CTNND2: variants seen among roughly 807,000 people sequenced by gnomAD.
CTNND2 encodes the protein catenin delta-2.
A neutral mutation model predicts 144.4 loss-of-function variants in CTNND2; 22 were observed. The ratio of observed to expected loss-of-function variants is 0.15; its 90% confidence interval spans 0.11 to 0.22. The LOEUF is 0.22. Ranked by LOEUF, CTNND2 falls within the 10% of genes least tolerant of loss-of-function variation. The pLI is 1.00. For missense variants in CTNND2, 1,353 were observed against 1,618.8 expected (o/e 0.84, Z 2.82); for synonymous variants, 751 against 695.6 (o/e 1.08, Z -1.25).
chr5:11,792,467 A>T (rs1404887290), intron 1 of CTNND2, among the ~76,000 whole-genome samples: 2 of 152,234 alleles, frequency 1.3e-5, no homozygotes, highest in Non-Finnish European at 2.9e-5. Context: ...CAATGAATGC[A>T]TGAATATTTT....
intron 16 of CTNND2, among the ~76,000 whole-genome samples, chr5:11,051,911 C>T (rs1948752): frequency 0.17 from 25,864 of 152,122 alleles, 4,128 homozygotes; most frequent in East Asian, 0.57. Context: ...TTCTTCACTA[C>T]GTAACGTTGT....
chr5:11,055,117 C>T (rs1017897673), intron 16 of CTNND2, among the ~76,000 whole-genome samples: 4 of 152,066 alleles, frequency 2.6e-5, no homozygotes, highest in South Asian at 2.1e-4. Context: ...GAATGAATAA[C>T]GGTTGGAGAA....
chr5:11,275,986 G>C (rs774637800), intron 9 of CTNND2, among the ~76,000 whole-genome samples: 7 of 152,152 alleles, frequency 4.6e-5, no homozygotes, highest in Non-Finnish European at 1.0e-4. Context: ...GGTCTTAGTT[G>C]TTTCTTAGAA....
intron 3 of CTNND2, among the ~76,000 whole-genome samples, chr5:11,524,465 A>G (rs1367038751): frequency 6.6e-6 from 1 of 152,210 alleles, no homozygotes; most frequent in Non-Finnish European, 1.5e-5. Flanking sequence ...GGACCAGTGA[A>G]GAGACTCTCC....
chr5:11,870,289 G>A (rs961529868), intron 1 of CTNND2, among the ~76,000 whole-genome samples: 1 of 152,152 alleles, frequency 6.6e-6, no homozygotes, highest in Non-Finnish European at 1.5e-5. Flanking sequence ...GCAGAGGCTT[G>A]CGATGCTGCT....
chr5:11,159,190 A>T (rs1758523103), intron 12 of CTNND2, among the ~76,000 whole-genome samples: 1 of 152,298 alleles, frequency 6.6e-6, no homozygotes, highest in South Asian at 2.1e-4. Context: ...CCAGATCCCT[A>T]TGTATCTGTT....
intron 3 of CTNND2, among the ~76,000 whole-genome samples, chr5:11,416,276 G>GA (rs145952043): frequency 0.045 from 6,871 of 152,096 alleles, 197 homozygotes; most frequent in South Asian, 0.07. Flanking sequence ...TGACACAACA[G>GA]AAAAAAGAAG....
chr5:11,065,903 C>A (rs1747518297), intron 16 of CTNND2, among the ~76,000 whole-genome samples: 1 of 152,190 alleles, frequency 6.6e-6, no homozygotes, highest in East Asian at 1.9e-4. Flanking sequence ...CTTTTTATCG[C>A]AGGCCCTCCC....
intron 9 of CTNND2, among the ~76,000 whole-genome samples, chr5:11,306,494 A>T (rs1363271244): frequency 6.6e-6 from 1 of 152,210 alleles, no homozygotes. Flanking sequence ...CTGCTTTTCT[A>T]TAGCCATTTT....
chr5:11,226,171 G>C (rs1740325813), intron 10 of CTNND2, among the ~76,000 whole-genome samples: 1 of 152,188 alleles, frequency 6.6e-6, no homozygotes, highest in Non-Finnish European at 1.5e-5. Context: ...TGTGGCACTT[G>C]GTTCCCACAG....
intron 2 of CTNND2, among the ~76,000 whole-genome samples, chr5:11,568,157 A>T (rs1431294476): frequency 1.3e-5 from 2 of 152,178 alleles, no homozygotes; most frequent in Non-Finnish European, 2.9e-5. Flanking sequence ...TACCAGGCAC[A>T]GTTTCCTCAC....
intron 1 of CTNND2, among the ~76,000 whole-genome samples, chr5:11,777,400 C>T (rs1226017709): frequency 6.6e-6 from 1 of 152,172 alleles, no homozygotes; most frequent in Non-Finnish European, 1.5e-5. Flanking sequence ...TTTCATAAGT[C>T]AACATTTAAT....
At chr5:11,615,620 T>C (rs1299671083) in intron 2 of CTNND2, among the ~76,000 whole-genome samples, 1 of 152,140 alleles carries the variant, frequency 6.6e-6, no homozygotes, top group Admixed American at 6.5e-5. Context: ...CCAGAGAAGT[T>C]AACAAATAAT....
intron 3 of CTNND2, among the ~76,000 whole-genome samples, chr5:11,444,187 G>C (rs916398649): frequency 1.3e-5 from 2 of 152,130 alleles, no homozygotes; most frequent in Non-Finnish European, 2.9e-5. Context: ...AAGTGATACA[G>C]GTACTAAATA....
intron 3 of CTNND2, among the ~76,000 whole-genome samples, chr5:11,485,709 C>T (rs1241957728): frequency 6.6e-6 from 1 of 152,118 alleles, no homozygotes; most frequent in Non-Finnish European, 1.5e-5. Context: ...ATATAGGTCT[C>T]TGTCTCATAT....
At chr5:11,672,256 G>C in intron 2 of CTNND2, among the ~76,000 whole-genome samples, 1 of 152,208 alleles carries the variant, frequency 6.6e-6, no homozygotes, top group Admixed American at 6.5e-5. Flanking sequence ...GGATACACAA[G>C]GGTCAGGGAC....
At chr5:11,069,870 T>C (rs1748060082) in intron 16 of CTNND2, among the ~76,000 whole-genome samples, 1 of 152,192 alleles carries the variant, frequency 6.6e-6, no homozygotes, top group Non-Finnish European at 1.5e-5. Context: ...TTGCACTCAG[T>C]GGTAAACTGA....
intron 3 of CTNND2, among the ~76,000 whole-genome samples, chr5:11,449,457 TTCA>T (rs1765114953): frequency 6.6e-6 from 1 of 152,170 alleles, no homozygotes; most frequent in African/African-American, 2.4e-5. Context: ...GGATCAGTCT[TTCA>T]TCAAGACGCT....
chr5:11,741,078 G>A (rs1787974932), intron 1 of CTNND2, among the ~76,000 whole-genome samples: 1 of 152,210 alleles, frequency 6.6e-6, no homozygotes, highest in Non-Finnish European at 1.5e-5. Context: ...ACAGATGCTG[G>A]AGAGGATGTG....
Sources: gnomAD v4.1 joint callset for allele counts (sites outside exome capture counted in the v4.1 genomes callset) on GRCh38, gnomAD v4.1.1 for gene constraint, MANE v1.5 for transcripts, NCBI Gene and HGNC (gene_info 2026-07-23, HGNC 2026-07-21) for gene names.